SAXO2: variants seen among roughly 807,000 people sequenced by gnomAD.
The protein encoded by SAXO2 is family with sequence similarity 154, member B.
Under a neutral mutation model 18.7 loss-of-function variants are expected in SAXO2, and 17 were observed. The ratio of observed to expected loss-of-function variants is 0.91; its 90% confidence interval spans 0.62 to 1.36. SAXO2 has a LOEUF of 1.36. Among genes scored for constraint, SAXO2 ranks in the 40% most tolerant of loss-of-function variants. SAXO2 has a pLI of 0.00. For synonymous variants in SAXO2, 163 were observed against 181.2 expected (o/e 0.90, Z 0.81); for missense variants, 486 against 562.6 (o/e 0.86, Z 1.38).
intron 3 of SAXO2, among the ~76,000 whole-genome samples, chr15:82,277,495 G>A (rs1403353016): frequency 6.6e-6 from 1 of 152,210 alleles, no homozygotes; most frequent in Non-Finnish European, 1.5e-5. Context: ...AATTGAATTT[G>A]TAGAATTGAA....
In SAXO2 at chr15:82,280,166, A is replaced by G. The variant is rs572335177; in HGVS notation, c.434-1953A>G. Among the ~76,000 whole-genome samples the G allele has an allele frequency of 1.2e-3, 185 of 152,284 alleles. No homozygotes were observed. In the Middle Eastern group the frequency reaches 0.017, roughly 14 times the overall value. Reference sequence around the variant, plus strand: ...ATTCCAGGCATATGAGCATAGGCATATTTATAGGGAGAAAATCAATTTTCT... The same window carrying G: ...ATTCCAGGCATATGAGCATAGGCATGTTTATAGGGAGAAAATCAATTTTCT... On this transcript the variant is annotated intron_variant, in intron 3 of 3. Transcript: ENST00000682753.
chr15:82,273,895 G>A (rs1447400793), intron 3 of SAXO2, among the ~76,000 whole-genome samples: 5 of 151,790 alleles, frequency 3.3e-5, no homozygotes, highest in Admixed American at 6.6e-5. Context: ...GCGCCACCAC[G>A]CCTGGCTAAT....
rs138008248 is a variant in SAXO2, at chr15:82,282,650, A to G, written c.965A>G (p.His322Arg). The G allele has an allele frequency of 9.5e-5, 153 of 1,614,052 alleles. No individual in the cohort carries two copies. Among genetic ancestry groups the G allele is most frequent in the Non-Finnish European group, 1.2e-4 (144 of 1,180,018 alleles). Residue 322 changes from histidine (H) to arginine (R), a missense_variant, in exon 4 of 4, where the codon CAT (histidine) becomes CGT (arginine). Transcript: ENST00000682753. ...GACTATGTTCCATATCAGGCCAACC[A>G]TGTTGTTCCCATCAGGCCAGTTTCT... ...HLDYVPYQAN[H>R]VVPIRPVSQK...
chr15:82,281,789 ACT>A (rs541972529), intron 3 of SAXO2, among the ~76,000 whole-genome samples: 4 of 151,310 alleles, frequency 2.6e-5, no homozygotes, highest in Non-Finnish European at 4.4e-5. Context: ...AATCTCCTAA[ACT>A]CTGTCCTCAC....
chr15:82,266,948 G>C (rs2075224203), intron 2 of SAXO2, among the ~76,000 whole-genome samples: 1 of 152,042 alleles, frequency 6.6e-6, no homozygotes, highest in African/African-American at 2.4e-5. Flanking sequence ...TACCTTTTTT[G>C]ATCTCTGTAT....
rs1389038917 is a variant in SAXO2, at chr15:82,282,274, G to C, written c.589G>C (p.Val197Leu). The C allele has an allele frequency of 1.2e-6, 2 of 1,614,130 alleles. No homozygotes were observed. The highest frequency in any genetic ancestry group is 1.7e-5 in the Admixed American group (1 of 60,014). Residue 197 changes from valine to leucine, a missense_variant, in exon 4 of 4, where the codon GTG becomes CTG. Transcript: ENST00000682753. ...TAGGCAAAGCTTTAAACCCTCCTCT[G>C]TGGTCAAACGTTCTACAGCCCCTTT... ...KPRQSFKPSS[V>L]VKRSTAPFNG...
In SAXO2 at chr15:82,282,555, T is replaced by G. The variant is rs751253754; in HGVS notation, c.870T>G (p.Pro290=). Residue 290 remains proline, a synonymous_variant, in exon 4 of 4, where the codon CCT becomes CCG. Coordinates refer to ENST00000682753, the MANE Select transcript of SAXO2 (RefSeq NM_001348699.2). ...TTCAACCATGGGAAATCCCACCACC[T>G]GAGGTCAAGAAAGTACCAGAGTATG... The part of the protein sequence containing the change: ...ESFQPWEIPP[P]EVKKVPEYVP... 6.2e-6 allele frequency: 10 copies of G among 1,614,046 alleles called. No homozygotes were observed. In the African/African-American group the frequency reaches 1.2e-4, roughly 19 times the overall value.
chr15:82,272,413 C>T (rs1423519445), intron 3 of SAXO2, among the ~76,000 whole-genome samples: 2 of 152,190 alleles, frequency 1.3e-5, no homozygotes, highest in African/African-American at 4.8e-5. Context: ...AGGGGTCCTG[C>T]TCCTCTAAGA....
chr15:82,264,816 A>G, intron 1 of SAXO2: 1 of 693,900 alleles, frequency 1.4e-6, no homozygotes, highest in East Asian at 2.7e-5. Context: ...GCCGCCTAAC[A>G]ACTTCTAGCT....
intron 3 of SAXO2, 180 bp downstream of exon 3, chr15:82,271,982 G>A (rs935264666): frequency 1.5e-5 from 8 of 544,554 alleles, no homozygotes; most frequent in Non-Finnish European, 2.6e-5. Flanking sequence ...TAGGCCATTT[G>A]TCTGATTGAG....
chr15:82,275,736 A>AT (rs2075309639), intron 3 of SAXO2, among the ~76,000 whole-genome samples: 1 of 152,174 alleles, frequency 6.6e-6, no homozygotes, highest in Non-Finnish European at 1.5e-5. Flanking sequence ...TCACTTCATG[A>AT]TAAAAACTCT....
chr15:82,280,643 T>C (rs2075355174), intron 3 of SAXO2, among the ~76,000 whole-genome samples: 1 of 152,182 alleles, frequency 6.6e-6, no homozygotes, highest in Admixed American at 6.5e-5. Flanking sequence ...CCTTCACTCA[T>C]CTGCTCTGAT....
intron 2 of SAXO2, among the ~76,000 whole-genome samples, chr15:82,268,510 T>C (rs1377125476): frequency 1.3e-5 from 2 of 152,258 alleles, no homozygotes. Context: ...ACTGGGAAAC[T>C]AGCAGTATTT....
chr15:82,278,050 G>T (rs1354992107), intron 3 of SAXO2, among the ~76,000 whole-genome samples: 1 of 152,106 alleles, frequency 6.6e-6, no homozygotes, highest in Non-Finnish European at 1.5e-5. Flanking sequence ...CCATTTGAAT[G>T]CCTCTAACCT....
chr15:82,280,949 G>C (rs1481085317), intron 3 of SAXO2, among the ~76,000 whole-genome samples: 1 of 152,154 alleles, frequency 6.6e-6, no homozygotes, highest in East Asian at 1.9e-4. Flanking sequence ...TAATCATTTA[G>C]TCCAATACTT....
intron 2 of SAXO2, among the ~76,000 whole-genome samples, chr15:82,268,144 G>A (rs1165113865): frequency 6.6e-6 from 1 of 152,108 alleles, no homozygotes; most frequent in Non-Finnish European, 1.5e-5. Flanking sequence ...GGGAATGGTT[G>A]TTCTTTTTTC....
At chr15:82,281,307 CAG>C (rs2075359997) in intron 3 of SAXO2, among the ~76,000 whole-genome samples, 1 of 152,112 alleles carries the variant, frequency 6.6e-6, no homozygotes, top group Non-Finnish European at 1.5e-5. Flanking sequence ...CTGCATACAC[CAG>C]AGTGACCCAA....
At chr15:82,272,497 A>T (rs1433577042) in intron 3 of SAXO2, among the ~76,000 whole-genome samples, 7 of 152,158 alleles carry the variant, frequency 4.6e-5, no homozygotes, top group African/African-American at 1.7e-4. Flanking sequence ...AAGTTGGGCC[A>T]TGTATGCTTT....
At chr15:82,264,067 G>GTTTTTTTTTTT (rs1567086394) in intron 1 of SAXO2, among the ~76,000 whole-genome samples, 2 of 134,132 alleles carry the variant, frequency 1.5e-5, no homozygotes, top group Non-Finnish European at 1.6e-5. Context: ...CATATGCATT[G>GTTTTTTTTTTT]ATTTTTTTTT....
Sources: gnomAD v4.1 joint callset for allele counts (sites outside exome capture counted in the v4.1 genomes callset) on GRCh38, gnomAD v4.1.1 for gene constraint, MANE v1.5 for transcripts, NCBI Gene and HGNC (gene_info 2026-07-23, HGNC 2026-07-21) for gene names.